The following ZNF691 variants were observed in gnomAD, a reference collection of about 807,000 sequenced individuals.
ZNF691 encodes zinc finger protein 691.
Under a neutral mutation model 24.1 loss-of-function variants are expected in ZNF691, and 11 were observed. The observed-to-expected ratio is 0.46, with a 90% confidence interval of 0.29 to 0.75. The LOEUF is 0.75. ZNF691 is among the 30% of genes least tolerant of loss of function. The pLI is 0.11. For missense variants in ZNF691, 356 were observed against 409.0 expected (o/e 0.87, Z 1.12); for synonymous variants, 149 against 153.9 (o/e 0.97, Z 0.23).
At chr1:42,848,885 T>C (rs865804624) in intron 1 of ZNF691, among the ~76,000 whole-genome samples, 2 of 152,210 alleles carry the variant, frequency 1.3e-5, no homozygotes, top group South Asian at 4.1e-4. Context: ...TTTACTTGCA[T>C]TTTTGGAAGT....
At position 42,851,627 on chromosome 1, in the gene ZNF691, T is replaced by G. The variant is rs1345067868; in HGVS notation, c.762T>G (p.Pro254=). The G allele has an allele frequency of 6.2e-7, 1 of 1,613,650 alleles. No individual in the cohort carries two copies. The highest frequency in any genetic ancestry group is 8.5e-7 in the Non-Finnish European group (1 of 1,179,952). ...VHHRTHTGER[P]YECTECGRTF... Reference sequence around the variant, plus strand: ...ACCGCACCCACACAGGTGAGAGACCTTATGAGTGCACTGAGTGTGGGCGGA... The same window carrying G: ...ACCGCACCCACACAGGTGAGAGACCGTATGAGTGCACTGAGTGTGGGCGGA... Residue 254 remains proline (P), a synonymous_variant, in exon 4 of 4, where the codon CCT becomes CCG. Coordinates refer to ENST00000651192, the MANE Select transcript of ZNF691 (RefSeq NM_001242739.2). The surrounding 1 kb of genome is among the most constrained non-coding windows in gnomAD (Gnocchi z 4.7).
intron 1 of ZNF691, 107 bp from the exon 2 acceptor site, chr1:42,849,184 T>C (rs578148493): frequency 6.4e-6 from 2 of 313,740 alleles, no homozygotes; most frequent in African/African-American, 4.4e-5. Flanking sequence ...AGGTTCTGTC[T>C]GTATTTCACA....
chr1:42,848,168 G>A (rs2124385011), intron 1 of ZNF691, among the ~76,000 whole-genome samples: 2 of 152,296 alleles, frequency 1.3e-5, no homozygotes, highest in South Asian at 4.1e-4. Flanking sequence ...CTGGAACTTG[G>A]TAAATTATAG....
At chr1:42,850,470 TAG>T in intron 3 of ZNF691, 1 of 985,356 alleles carries the variant, frequency 1.0e-6, no homozygotes, top group Non-Finnish European at 1.2e-6. Context: ...CCTCAAGATT[TAG>T]AGGTTTTGTT....
At chr1:42,849,251 T>A in intron 1 of ZNF691, 40 bp from the exon 2 acceptor site, 1 of 384,292 alleles carries the variant, frequency 2.6e-6, no homozygotes, top group South Asian at 2.0e-5. Flanking sequence ...TTTTTCTTAA[T>A]GAGATCATTT....
chr1:42,851,266 A>C lies in ZNF691; in HGVS notation c.401A>C (p.Gln134Pro), dbSNP rs1321099933. The C allele has an allele frequency of 6.2e-7, 1 of 1,613,758 alleles. No homozygotes were observed. The highest frequency in any genetic ancestry group is 1.3e-5 in the African/African-American group (1 of 74,872). The change falls in exon 4 of 4, where the codon CAG (glutamine) becomes CCG (proline). Residue 134 changes from glutamine to proline, a missense_variant. Physicochemically the swap from Gln to Pro is moderately conservative, Grantham distance 76. Coordinates refer to ENST00000651192, the MANE Select transcript of ZNF691 (RefSeq NM_001242739.2). This position sits in a 1 kb window ranked among gnomAD's most constrained non-coding sequence, Gnocchi z 4.7. ...AATACCTCCAACCTGAGAACACACC[A>C]GCGGATCCACACTGGTGAGAAGCCT... Reference protein sequence around the residue: ...FNNTSNLRTHQRIHTGEKPYK... With the variant: ...FNNTSNLRTHPRIHTGEKPYK...
intron 1 of ZNF691, among the ~76,000 whole-genome samples, chr1:42,848,181 TC>T (rs1384310741): frequency 6.6e-6 from 1 of 152,304 alleles, no homozygotes; most frequent in Non-Finnish European, 1.5e-5. Context: ...AATTATAGGT[TC>T]TCAGAATAGC....
intron 2 of ZNF691, 73 bp from the exon 3 acceptor site, chr1:42,849,492 A>G: frequency 1.4e-6 from 1 of 703,366 alleles, no homozygotes; most frequent in South Asian, 1.5e-5. Flanking sequence ...TAAAGATAGT[A>G]TGTGTCACAG....
chr1:42,850,558 A>T, intron 3 of ZNF691: 1 of 1,483,672 alleles, frequency 6.7e-7, no homozygotes. Context: ...ACATAAAAAG[A>T]GTTACAGTTA....
chr1:42,847,863 G>A (rs1655282664), intron 1 of ZNF691, among the ~76,000 whole-genome samples: 1 of 152,264 alleles, frequency 6.6e-6, no homozygotes, highest in Admixed American at 6.5e-5. Context: ...TAAGGATGAT[G>A]TGAAGTGAAA....
In ZNF691 at chr1:42,851,336, C is replaced by T. The variant is rs1183515033; in HGVS notation, c.471C>T (p.Asn157=). Residue 157 remains asparagine, a synonymous_variant, in exon 4 of 4, where the codon AAC becomes AAT. Transcript: ENST00000651192. This position sits in a 1 kb window ranked among gnomAD's most constrained non-coding sequence, Gnocchi z 4.7. ...GCAAGAGCTTCTCGAGAAGCTCCAA[C>T]CGCATCCGGCACGAGCGGATCCACC... ...ECGKSFSRSS[N]RIRHERIHLE... 6.2e-7 allele frequency: 1 copy of T among 1,613,990 alleles called. No individual in the cohort carries two copies. The highest frequency in any genetic ancestry group is 1.3e-5 in the African/African-American group (1 of 74,974).
In ZNF691 at chr1:42,852,055, C is replaced by T; in HGVS notation, c.*242C>T. 1 of 667,412 alleles carries T rather than the reference C, an allele frequency of 1.5e-6. No individual in the cohort carries two copies. Among genetic ancestry groups the T allele is most frequent in the Admixed American group, 2.3e-5 (1 of 44,350 alleles). The allele number at this position is 667,412 out of a possible 1,614,324, so 41.3% of individuals were successfully genotyped here. On this transcript the variant is annotated 3_prime_UTR_variant, in exon 4 of 4. Coordinates refer to ENST00000651192, the MANE Select transcript of ZNF691 (RefSeq NM_001242739.2). ...GGAAAGTCAGAAGACCCAGTCTTGG[C>T]TTTACTTTCTTGGGGTGAAAGAGAA...
rs778242202 is a variant in ZNF691, at chr1:42,851,509, C to T, written c.644C>T (p.Ala215Val). The T allele has an allele frequency of 6.2e-6, 10 of 1,614,226 alleles. No homozygotes were observed. The East Asian group carries it at 2.2e-4, about 36-fold the overall frequency. ...AGCTTCAGCCAGAGTGCCACGCTAG[C>T]TGTGCATCACCGGACCCACCTGGAG... ...GKSFSQSATL[A>V]VHHRTHLEPA... Residue 215 changes from alanine to valine, a missense_variant, in exon 4 of 4, where the codon GCT becomes GTT. Transcript: ENST00000651192. This position sits in a 1 kb window ranked among gnomAD's most constrained non-coding sequence, Gnocchi z 4.7.
At position 42,849,558 on chromosome 1, in the gene ZNF691, T is replaced by G; in HGVS notation, c.-94-7T>G. On this transcript the variant is annotated splice_polypyrimidine_tract_variant and splice_region_variant and intron_variant, in intron 2 of 3. Coordinates refer to ENST00000651192, the MANE Select transcript of ZNF691 (RefSeq NM_001242739.2). ...CCCTTTCTTTATTCTGTGTTTCTTT[T>G]TTCCAGAAATACTTGCAGACTTGAA... The G allele has an allele frequency of 1.0e-6, 1 of 970,696 alleles. No homozygotes were observed. The highest frequency in any genetic ancestry group is 1.6e-6 in the Non-Finnish European group (1 of 619,560). 60.1% of individuals were successfully genotyped at this position (970,696 alleles called of 1,614,324 possible). A position where few individuals can be genotyped will look rare whatever the true frequency, so the allele number is the denominator to read the frequency against.
chr1:42,851,792 G>A lies in ZNF691; in HGVS notation c.927G>A (p.Gln309=), dbSNP rs747243655. The change falls in exon 4 of 4, where the codon CAG becomes CAA. Residue 309 remains glutamine, a synonymous_variant. Transcript: ENST00000651192. The surrounding 1 kb of genome is among the most constrained non-coding windows in gnomAD (Gnocchi z 4.7). Reference sequence around the variant, plus strand: ...ACCAGAAAACTCACTTGGGCGAACAGGCTGGGAAAGATTCCAGCTGAAGGA... The same window carrying A: ...ACCAGAAAACTCACTTGGGCGAACAAGCTGGGAAAGATTCCAGCTGAAGGA... ...IRHQKTHLGE[Q]AGKDSS The A allele has an allele frequency of 1.0e-4, 166 of 1,614,018 alleles. No individual in the cohort carries two copies. Among genetic ancestry groups the A allele is most frequent in the Non-Finnish European group, 1.4e-4 (163 of 1,179,948 alleles).
At chr1:42,847,764 G>C (rs1279634914) in intron 1 of ZNF691, among the ~76,000 whole-genome samples, 1 of 152,218 alleles carries the variant, frequency 6.6e-6, no homozygotes, top group African/African-American at 2.4e-5. Context: ...GAAGTGATGG[G>C]CATAGGCCCC....
intron 1 of ZNF691, 143 bp from the exon 2 acceptor site, chr1:42,849,148 G>T: frequency 1.0e-5 from 3 of 290,938 alleles, no homozygotes; most frequent in South Asian, 9.6e-5. Flanking sequence ...GAAAAAGCTT[G>T]TCAACCTCTG....
intron 1 of ZNF691, 141 bp from the exon 2 acceptor site, chr1:42,849,150 C>A (rs1655312441): frequency 1.0e-5 from 3 of 289,914 alleles, no homozygotes; most frequent in South Asian, 6.4e-5. Context: ...AAAAGCTTGT[C>A]AACCTCTGGT....
intron 3 of ZNF691, among the ~76,000 whole-genome samples, chr1:42,850,193 G>A (rs917689909): frequency 3.3e-5 from 5 of 151,196 alleles, no homozygotes; most frequent in African/African-American, 1.2e-4. Context: ...TGTGTATGGT[G>A]TGACTGTGTC....
Sources: gnomAD v4.1 joint callset for allele counts (sites outside exome capture counted in the v4.1 genomes callset) on GRCh38, gnomAD v4.1.1 for gene constraint, Gnocchi (gnomAD v3.1) non-coding constraint, MANE v1.5 for transcripts, NCBI Gene and HGNC (gene_info 2026-07-23, HGNC 2026-07-21) for gene names.